Variants in LARP4B observed in about 807,000 individuals in gnomAD.
The protein encoded by LARP4B is la-related protein 4B.
A neutral mutation model predicts 89.8 loss-of-function variants in LARP4B; 12 were observed. The ratio of observed to expected loss-of-function variants is 0.13; its 90% CI spans 0.09 to 0.22. The LOEUF is 0.22. LARP4B is among the 10% of genes least tolerant of loss of function. The probability of loss-of-function intolerance (pLI) is 1.00; values close to 1 mark genes in which losing one functional copy is unlikely to be tolerated. For missense variants in LARP4B, 757 were observed against 947.7 expected (o/e 0.80, Z 2.64); for synonymous variants, 367 against 363.3 (o/e 1.01, Z -0.12).
intron 3 of LARP4B, among the ~76,000 whole-genome samples, chr10:868,134 C>T (rs765281469): frequency 1.6e-4 from 24 of 151,942 alleles, no homozygotes; most frequent in Non-Finnish European, 3.1e-4. Flanking sequence ...ACAGAACAGT[C>T]TCTCTGACAA....
At chr10:884,140 C>T (rs765672719) in intron 3 of LARP4B, among the ~76,000 whole-genome samples, 3 of 152,026 alleles carry the variant, frequency 2.0e-5, no homozygotes, top group Non-Finnish European at 4.4e-5. Flanking sequence ...GCTACTCATC[C>T]GCATATAACA....
At chr10:959,415 CCACCTCCCCGTCAAT>C in the LARP4B span, among the ~76,000 whole-genome samples, 2 of 116,856 alleles carry the variant, frequency 1.7e-5, no homozygotes, top group Non-Finnish European at 1.9e-5. Flanking sequence ...CCCCATCAAT[CCACCTCCCCGTCAAT>C]CCACCTCCCC....
At chr10:824,967 C>A (rs1832546265) in intron 13 of LARP4B, 98 bp downstream of exon 13, 1 of 1,232,826 alleles carries the variant, frequency 8.1e-7, no homozygotes, top group Non-Finnish European at 1.1e-6. Context: ...GTTAGATTTT[C>A]TGTGACATAT....
intron 1 of LARP4B, among the ~76,000 whole-genome samples, chr10:911,421 T>C (rs1345088263): frequency 6.6e-6 from 1 of 152,226 alleles, no homozygotes; most frequent in East Asian, 1.9e-4. Flanking sequence ...TTCAGTCAAC[T>C]GAAACTCACC....
chr10:863,727 C>CA lies in LARP4B; in HGVS notation c.430+15dup. ...CCCATATTCCCTGGGAAAATGCACC[C>CA]ATAAGATATGTTTACCTGTCTCGCT... On this transcript the variant is annotated intron_variant, in intron 5 of 17. Transcript: ENST00000316157. 1.9e-6 allele frequency: 3 copies of CA among 1,586,246 alleles called. No homozygotes were observed. Among genetic ancestry groups the CA allele is most frequent in the Non-Finnish European group, 2.6e-6 (3 of 1,167,812 alleles).
At chr10:917,046 A>C (rs1256072672) in intron 1 of LARP4B, among the ~76,000 whole-genome samples, 1 of 152,172 alleles carries the variant, frequency 6.6e-6, no homozygotes, top group African/African-American at 2.4e-5. Context: ...GACCATTATC[A>C]TTGGAGTAAG....
chr10:957,530 A>T, the LARP4B span, among the ~76,000 whole-genome samples: 1 of 151,984 alleles, frequency 6.6e-6, no homozygotes, highest in Non-Finnish European at 1.5e-5. Context: ...ACTTATATGA[A>T]TTGCTTATTT....
Position 814,495 on chromosome 10 carries a change from AC to A in LARP4B, c.1929+246del. ...CTGGGGTCTTGTTACTACTCAAGAA[AC>A]CTCTATTGACCAACACTGAAATAAA... On this transcript the variant is annotated intron_variant, in intron 17 of 17. Coordinates refer to ENST00000316157, the MANE Select transcript of LARP4B (RefSeq NM_015155.3). The surrounding 1 kb of genome is among the most constrained non-coding windows in gnomAD (Gnocchi z 4.4). 1 of 682,082 alleles carries A rather than the reference AC, an allele frequency of 1.5e-6. No individual in the cohort carries two copies. The highest frequency in any genetic ancestry group is 2.4e-6 in the Non-Finnish European group (1 of 415,074). 42.3% of individuals were successfully genotyped at this position (682,082 alleles called of 1,614,324 possible).
At chr10:836,866 A>C (rs1224704335) in intron 7 of LARP4B, among the ~76,000 whole-genome samples, 1 of 152,118 alleles carries the variant, frequency 6.6e-6, no homozygotes, top group Admixed American at 6.5e-5. Context: ...ATCATCCCTC[A>C]CCTAACGGTC....
At chr10:826,221 C>G (rs866866302) in intron 11 of LARP4B, among the ~76,000 whole-genome samples, 2 of 152,212 alleles carry the variant, frequency 1.3e-5, no homozygotes, top group African/African-American at 4.8e-5. Flanking sequence ...AGGAAGTCAA[C>G]AGTTCTTGAT....
intron 8 of LARP4B, among the ~76,000 whole-genome samples, chr10:833,271 A>AC (rs1833011129): frequency 2.7e-5 from 4 of 149,400 alleles, no homozygotes; most frequent in African/African-American, 9.8e-5. Flanking sequence ...AAAAAAAAAA[A>AC]AAAAAAAAAA....
downstream of LARP4B, chr10:808,299 A>C (rs1831622381): frequency 6.6e-6 from 1 of 152,196 alleles, no homozygotes; most frequent in Non-Finnish European, 1.5e-5. Flanking sequence ...CACAAAATAT[A>C]CTTCGAGTTA....
intron 1 of LARP4B, among the ~76,000 whole-genome samples, chr10:918,903 C>T (rs1260294057): frequency 6.6e-6 from 1 of 151,666 alleles, no homozygotes; most frequent in African/African-American, 2.4e-5. Flanking sequence ...GGTGAAACCC[C>T]ATCTCTAATA....
chr10:921,238 A>G (rs1284630222), intron 1 of LARP4B, among the ~76,000 whole-genome samples: 1 of 151,934 alleles, frequency 6.6e-6, no homozygotes, highest in Non-Finnish European at 1.5e-5. Context: ...GCACCATTGC[A>G]CTCCAGCCTG....
chr10:861,129 C>G (rs1466971235), intron 5 of LARP4B, among the ~76,000 whole-genome samples: 2 of 152,090 alleles, frequency 1.3e-5, no homozygotes, highest in Non-Finnish European at 2.9e-5. Flanking sequence ...GCATTCCAGC[C>G]TGGGTGACAC....
chr10:868,187 G>T (rs1240010420), intron 3 of LARP4B, among the ~76,000 whole-genome samples: 3 of 151,978 alleles, frequency 2.0e-5, no homozygotes, highest in Non-Finnish European at 4.4e-5. Context: ...GGAGAAGGGG[G>T]ACTGGCCGGT....
chr10:881,081 AATG>A (rs1475973050), intron 3 of LARP4B, among the ~76,000 whole-genome samples: 2 of 152,178 alleles, frequency 1.3e-5, no homozygotes, highest in East Asian at 1.9e-4. Flanking sequence ...AGCCGCTGAG[AATG>A]ATGTTTGCTA....
chr10:873,311 GACA>G, intron 3 of LARP4B: 1 of 985,352 alleles, frequency 1.0e-6, no homozygotes, highest in Non-Finnish European at 1.2e-6. Flanking sequence ...AAATCCTAAT[GACA>G]ACAGAGCCCG....
At chr10:937,222 T>C in the LARP4B span, among the ~76,000 whole-genome samples, 2 of 152,088 alleles carry the variant, frequency 1.3e-5, no homozygotes, top group Non-Finnish European at 2.9e-5. Context: ...TTTGCATTTT[T>C]TGTAGAGACG....
Sources: allele counts gnomAD v4.1 joint callset (sites outside exome capture counted in the v4.1 genomes callset), GRCh38; gene constraint gnomAD v4.1.1; non-coding constraint Gnocchi (gnomAD v3.1); transcripts MANE v1.5; gene names NCBI Gene and HGNC (gene_info 2026-07-23, HGNC 2026-07-21).